The following RGS6 variants were observed in gnomAD, a reference collection of about 807,000 sequenced individuals.
RGS6 encodes the protein regulator of G protein signaling 6.
A neutral mutation model predicts 78.5 loss-of-function variants in RGS6; 30 were observed. That is an observed-to-expected ratio of 0.38 (90% CI 0.29 to 0.52). The LOEUF is 0.52. Ranked by LOEUF, RGS6 falls within the 20% of genes least tolerant of loss-of-function variation. RGS6 has a pLI of 0.85. For missense variants in RGS6, 495 were observed against 609.7 expected, an observed-to-expected ratio of 0.81 and a Z score of 1.98; for synonymous variants, 206 against 206.0, an observed-to-expected ratio of 1.00 and a Z score of 0.00.
At chr14:72,625,094 G>T in the RGS6 span, among the ~76,000 whole-genome samples, 1,034 of 152,166 alleles carry the variant, frequency 6.8e-3, 13 homozygotes, top group African/African-American at 0.024. Context: ...GGATATTTGA[G>T]ATTATGTAAA....
intron 3 of RGS6, among the ~76,000 whole-genome samples, chr14:72,433,266 C>T (rs1056731932): frequency 6.6e-6 from 1 of 151,646 alleles, no homozygotes; most frequent in Admixed American, 6.6e-5. Context: ...AGACTGGCCA[C>T]CCTGTTTCTT....
At chr14:72,068,135 G>GTT (rs1348726143) in intron 2 of RGS6, among the ~76,000 whole-genome samples, 7 of 67,720 alleles carry the variant, frequency 1.0e-4, no homozygotes, top group African/African-American at 3.5e-4. Context: ...ATGTATGTAT[G>GTT]TATTTTTTTT....
the RGS6 span, among the ~76,000 whole-genome samples, chr14:71,900,336 A>T: frequency 6.6e-6 from 1 of 151,952 alleles, no homozygotes; most frequent in Non-Finnish European, 1.5e-5. Context: ...TATCAGTTAT[A>T]TTTGGCCATG....
At chr14:72,381,028 G>A (rs938378607) in intron 3 of RGS6, among the ~76,000 whole-genome samples, 3 of 152,082 alleles carry the variant, frequency 2.0e-5, no homozygotes, top group Non-Finnish European at 2.9e-5. Flanking sequence ...GTCATTTGTG[G>A]CAACATGGAT....
intron 3 of RGS6, among the ~76,000 whole-genome samples, chr14:72,443,856 A>G (rs2095284937): frequency 6.6e-6 from 1 of 152,148 alleles, no homozygotes; most frequent in Admixed American, 6.5e-5. Flanking sequence ...CTGCCTTTGG[A>G]TTGAGTGGAA....
chr14:72,297,429 ATTTTTT>A (rs56203938), intron 2 of RGS6, among the ~76,000 whole-genome samples: 1 of 139,882 alleles, frequency 7.1e-6, no homozygotes, highest in African/African-American at 3.0e-5. Context: ...TATTATTATT[ATTTTTT>A]TTTTATACTT....
the RGS6 span, among the ~76,000 whole-genome samples, chr14:71,899,523 A>G: frequency 6.6e-6 from 1 of 152,180 alleles, no homozygotes; most frequent in Non-Finnish European, 1.5e-5. Flanking sequence ...AGTTTTAGGG[A>G]TAGGTCCTGT....
At chr14:72,413,783 G>A (rs887579568) in intron 3 of RGS6, among the ~76,000 whole-genome samples, 10 of 152,116 alleles carry the variant, frequency 6.6e-5, no homozygotes, top group African/African-American at 2.2e-4. Context: ...AAATCTCTCA[G>A]CATTTGCTTG....
intron 15 of RGS6, among the ~76,000 whole-genome samples, chr14:72,522,368 A>G (rs1179997287): frequency 6.6e-6 from 1 of 152,182 alleles, no homozygotes; most frequent in Non-Finnish European, 1.5e-5. Context: ...CTTCAACAAT[A>G]TGAAATTTAG....
chr14:71,893,616 A>G, the RGS6 span, among the ~76,000 whole-genome samples: 126,373 of 152,188 alleles, frequency 0.83, 52,671 homozygotes, highest in African/African-American at 0.85. Flanking sequence ...GAAGGGACAG[A>G]TTGGGTTTCA....
intron 2 of RGS6, among the ~76,000 whole-genome samples, chr14:72,069,527 C>T (rs1597057603): frequency 6.6e-6 from 1 of 151,872 alleles, no homozygotes; most frequent in African/African-American, 2.4e-5. Flanking sequence ...AATTATTAAT[C>T]ATAGATGATT....
chr14:72,364,139 C>T (rs1478295601), intron 3 of RGS6, among the ~76,000 whole-genome samples: 1 of 151,912 alleles, frequency 6.6e-6, no homozygotes, highest in Non-Finnish European at 1.5e-5. Flanking sequence ...TTAACTACTG[C>T]ACAGACCAAT....
At chr14:72,012,866 G>A (rs897126528) in intron 2 of RGS6, among the ~76,000 whole-genome samples, 1 of 152,146 alleles carries the variant, frequency 6.6e-6, no homozygotes, top group Non-Finnish European at 1.5e-5. Flanking sequence ...GGGTGGTTGT[G>A]AGCAAACAAT....
chr14:72,587,782 A>G, the RGS6 span, among the ~76,000 whole-genome samples: 1 of 152,324 alleles, frequency 6.6e-6, no homozygotes, highest in South Asian at 2.1e-4. Flanking sequence ...AGAACTGTCT[A>G]CTAACACTAG....
intron 1 of RGS6, among the ~76,000 whole-genome samples, chr14:71,943,255 T>C (rs2090943646): frequency 6.6e-6 from 1 of 152,112 alleles, no homozygotes; most frequent in Non-Finnish European, 1.5e-5. Context: ...ACCTTAGTTT[T>C]CTCGTCTGTG....
the RGS6 span, among the ~76,000 whole-genome samples, chr14:71,891,312 C>T: frequency 2.0e-5 from 3 of 152,122 alleles, no homozygotes; most frequent in African/African-American, 4.8e-5. Flanking sequence ...CAGGTGTCTG[C>T]GGGAGCTACG....
intron 2 of RGS6, among the ~76,000 whole-genome samples, chr14:72,134,625 T>A (rs1409971385): frequency 6.6e-6 from 1 of 152,196 alleles, no homozygotes; most frequent in Non-Finnish European, 1.5e-5. Flanking sequence ...AAGAGGAGAC[T>A]TATTATGGGA....
At chr14:72,394,517 A>C (rs1227162374) in intron 3 of RGS6, among the ~76,000 whole-genome samples, 2 of 152,060 alleles carry the variant, frequency 1.3e-5, no homozygotes, top group African/African-American at 4.8e-5. Flanking sequence ...CTAAGAATGC[A>C]CTCTCTTTCT....
At chr14:72,074,832 G>GT (rs1387358197) in intron 2 of RGS6, among the ~76,000 whole-genome samples, 4 of 151,976 alleles carry the variant, frequency 2.6e-5, no homozygotes, top group Non-Finnish European at 4.4e-5. Context: ...ATCATATTCT[G>GT]TTTTTTCTTT....
Sources: allele counts gnomAD v4.1 joint callset (sites outside exome capture counted in the v4.1 genomes callset), GRCh38; gene constraint gnomAD v4.1.1; transcripts MANE v1.5; gene names NCBI Gene and HGNC (gene_info 2026-07-23, HGNC 2026-07-21).